The following COL6A5 variants were observed in gnomAD, a reference collection of about 807,000 sequenced individuals.
COL6A5 encodes the protein collagen type VI alpha 5 chain.
A neutral mutation model predicts 65.6 loss-of-function variants in COL6A5; 48 were observed. The observed-to-expected ratio is 0.73, with a 90% CI of 0.58 to 0.93. The LOEUF (loss-of-function observed/expected upper bound fraction) is 0.93. Ranked by LOEUF, COL6A5 falls within the 40% of genes least tolerant of loss-of-function variation. The probability of loss-of-function intolerance (pLI) is 0.00; values close to 1 mark genes in which losing one functional copy is unlikely to be tolerated. For missense variants in COL6A5, 914 were observed against 928.3 expected (o/e 0.98, Z 0.20); for synonymous variants, 291 against 322.8 (o/e 0.90, Z 1.05).
intron 7 of COL6A5, among the ~76,000 whole-genome samples, chr3:130,480,916 A>T (rs1301182453): frequency 6.6e-6 from 1 of 152,108 alleles, no homozygotes; most frequent in East Asian, 1.9e-4. Context: ...GAAGGCAAAT[A>T]AGGGTGTCAT....
chr3:130,405,641 A>C, exon 14 of COL6A5: 1 of 1,550,492 alleles, frequency 6.4e-7, no homozygotes, highest in East Asian at 2.4e-5. Flanking sequence ...CAGGATGTCC[A>C]GGGGCGTGGG....
At chr3:130,376,897 C>G in intron 3 of COL6A5, 61 bp downstream of exon 3, 1 of 1,478,096 alleles carries the variant, frequency 6.8e-7, no homozygotes, top group Non-Finnish European at 9.0e-7. Context: ...TCTGTCCACT[C>G]TCACCTCTTG....
intron 5 of COL6A5, among the ~76,000 whole-genome samples, chr3:130,467,330 C>T (rs1309764262): frequency 1.3e-5 from 2 of 151,910 alleles, no homozygotes; most frequent in Non-Finnish European, 2.9e-5. Flanking sequence ...ATCTAGTGTT[C>T]TCATGGTTAA....
chr3:130,395,339 G>T, exon 8 of COL6A5: 1 of 1,550,162 alleles, frequency 6.5e-7, no homozygotes, highest in African/African-American at 1.4e-5. Context: ...TGTTTATAAG[G>T]AACATCTCCT....
chr3:130,423,020 A>G (rs144133753), intron 28 of COL6A5, among the ~76,000 whole-genome samples: 44 of 152,174 alleles, frequency 2.9e-4, no homozygotes, highest in African/African-American at 1.0e-3. Flanking sequence ...AATCAGTACT[A>G]TTTTAAAGAT....
At chr3:130,404,282 G>T (rs1176829988) in intron 13 of COL6A5, among the ~76,000 whole-genome samples, 1 of 152,172 alleles carries the variant, frequency 6.6e-6, no homozygotes, top group Non-Finnish European at 1.5e-5. Flanking sequence ...AAACCACTTA[G>T]GTGGCTCTGT....
At chr3:130,388,501 A>G (rs929324104) in intron 5 of COL6A5, 79 bp from the exon 6 acceptor site, 1 of 1,156,936 alleles carries the variant, frequency 8.6e-7, no homozygotes, top group Non-Finnish European at 1.2e-6. Flanking sequence ...TCATTAATGC[A>G]TTTGTTTCTG....
At chr3:130,422,198 T>A (rs2107685302) in intron 27 of COL6A5, among the ~76,000 whole-genome samples, 1 of 152,128 alleles carries the variant, frequency 6.6e-6, no homozygotes, top group East Asian at 1.9e-4. Flanking sequence ...TAAATCACCA[T>A]TAGAAAGAAA....
intron 4 of COL6A5, among the ~76,000 whole-genome samples, chr3:130,444,482 G>A (rs1386890130): frequency 3.3e-5 from 5 of 152,154 alleles, no homozygotes; most frequent in Admixed American, 6.6e-5. Context: ...AAATGTCCAT[G>A]AAATCTTCAC....
At chr3:130,460,009 C>CT (rs1197265235) in intron 5 of COL6A5, among the ~76,000 whole-genome samples, 1 of 151,756 alleles carries the variant, frequency 6.6e-6, no homozygotes, top group African/African-American at 2.4e-5. Context: ...TGACCATTTA[C>CT]TTTTTTTTGA....
At position 130,411,013 on chromosome 3, in the gene COL6A5, C is replaced by T. The variant is rs565823487; in HGVS notation, c.4662+489C>T. Among the ~76,000 whole-genome samples the T allele has an allele frequency of 1.7e-4, 26 of 152,276 alleles. No individual in the cohort carries two copies. In the South Asian group the frequency reaches 1.9e-3, roughly 11 times the overall value. On this transcript the variant is annotated intron_variant and NMD_transcript_variant, in intron 20 of 41. Transcript: ENST00000312481. The stretch of plus-strand genomic sequence containing the variant: ...ACTATGAACTAGGTAAATATACTTT[C>T]GCTTTACATGTTGCCAATGAGAAAG...
In COL6A5 at chr3:130,484,024, A is replaced by G; in HGVS notation, c.2329-11A>G. 3 of 1,607,236 alleles carry G rather than the reference A, an allele frequency of 1.9e-6. No homozygotes were observed. The highest frequency in any genetic ancestry group is 1.7e-4 in the Middle Eastern group (1 of 6,038). On this transcript the variant is annotated splice_polypyrimidine_tract_variant and intron_variant, in intron 7 of 7. Coordinates refer to ENST00000512836, the Ensembl canonical transcript of COL6A5. ...GACATTAAAAGCAGTGAATATTGTT[A>G]TATTTTGCAGATGGTGAAGATACAA...
At chr3:130,392,605 CTTGT>C (rs1040683129) in intron 7 of COL6A5, among the ~76,000 whole-genome samples, 1 of 152,142 alleles carries the variant, frequency 6.6e-6, no homozygotes, top group African/African-American at 2.4e-5. Context: ...CCTCCTTCCT[CTTGT>C]TTCTTTCCTC....
intron 1 of COL6A5, among the ~76,000 whole-genome samples, chr3:130,432,979 G>A (rs1278498775): frequency 6.6e-6 from 1 of 152,076 alleles, no homozygotes; most frequent in East Asian, 1.9e-4. Flanking sequence ...TTCTTCTGGA[G>A]CTGTGTAAAG....
upstream of COL6A5, chr3:130,431,281 T>A (rs1416023626): frequency 1.4e-6 from 1 of 724,658 alleles, no homozygotes; most frequent in Non-Finnish European, 2.5e-6. Flanking sequence ...TGCATTTATG[T>A]TAACAGCTTC....
At chr3:130,454,738 G>A (rs2107599126) in intron 4 of COL6A5, among the ~76,000 whole-genome samples, 1 of 152,248 alleles carries the variant, frequency 6.6e-6, no homozygotes, top group East Asian at 1.9e-4. Flanking sequence ...CTTTCTCACA[G>A]CAGTGCTTGG....
At chr3:130,421,256 A>G in intron 26 of COL6A5, 53 bp downstream of exon 26, 1 of 1,546,052 alleles carries the variant, frequency 6.5e-7, no homozygotes, top group South Asian at 1.2e-5. Context: ...ACTAAATAAT[A>G]CAAGAAGAAA....
intron 8 of COL6A5, among the ~76,000 whole-genome samples, chr3:130,397,223 A>G (rs1386263194): frequency 6.6e-6 from 1 of 152,122 alleles, no homozygotes; most frequent in Non-Finnish European, 1.5e-5. Flanking sequence ...ATTAAAATGC[A>G]CGCCCACATG....
chr3:130,472,836 T>TATATAC (rs1266686315), intron 7 of COL6A5, among the ~76,000 whole-genome samples: 1 of 137,150 alleles, frequency 7.3e-6, no homozygotes, highest in Non-Finnish European at 1.6e-5. Context: ...TGTATACATA[T>TATATAC]ATATATATAT....
Sources: allele counts gnomAD v4.1 joint callset (sites outside exome capture counted in the v4.1 genomes callset), GRCh38; gene constraint gnomAD v4.1.1; transcripts MANE v1.5; gene names NCBI Gene and HGNC (gene_info 2026-07-23, HGNC 2026-07-21).